The following CNTNAP5 variants were observed in gnomAD, a reference collection of about 807,000 sequenced individuals.
The protein encoded by CNTNAP5 is contactin-associated protein-like 5.
In CNTNAP5, 72 loss-of-function variants were observed where a neutral mutation model predicts 150.2. That is an observed-to-expected ratio of 0.48 (90% CI 0.40 to 0.58). CNTNAP5 has a LOEUF of 0.58. Ranked by LOEUF, CNTNAP5 falls within the 20% of genes least tolerant of loss-of-function variation. CNTNAP5 has a pLI of 0.00. For missense variants in CNTNAP5, 1,636 were observed against 1,626.2 expected (o/e 1.01, Z -0.10); for synonymous variants, 672 against 619.8 (o/e 1.08, Z -1.25).
rs181280517 is a variant in CNTNAP5, at chr2:124,717,458, G to C, written c.2078-29771G>C. 8.5e-4 allele frequency among the ~76,000 whole-genome samples: 130 copies of C among 152,312 alleles called. 1 individual carries two copies. The highest frequency in any genetic ancestry group is 3.0e-3 in the African/African-American group (126 of 41,588). On this transcript the variant is annotated intron_variant, in intron 13 of 23. Coordinates refer to ENST00000682447, the MANE Select transcript of CNTNAP5 (RefSeq NM_001367498.1). ...CATTCAATAAATATTGGTTTAAATA[G>C]ATTGAAACACAGACAATTTTAAAAG...
intron 1 of CNTNAP5, among the ~76,000 whole-genome samples, chr2:124,211,444 G>T (rs1686007553): frequency 6.6e-6 from 1 of 152,106 alleles, no homozygotes. Flanking sequence ...CACATAATTA[G>T]TAAGTTGCAG....
chr2:124,799,036 A>G (rs1474278958), intron 19 of CNTNAP5, among the ~76,000 whole-genome samples: 1 of 152,158 alleles, frequency 6.6e-6, no homozygotes, highest in East Asian at 1.9e-4. Context: ...ATGCTAAATA[A>G]AAGGATTATT....
chr2:124,762,530 G>A (rs552271049), intron 14 of CNTNAP5, among the ~76,000 whole-genome samples: 13 of 152,178 alleles, frequency 8.5e-5, no homozygotes, highest in Non-Finnish European at 1.6e-4. Flanking sequence ...AGCATTTACC[G>A]TAGATCAGGC....
intron 19 of CNTNAP5, among the ~76,000 whole-genome samples, chr2:124,859,764 A>G (rs1677470051): frequency 6.6e-6 from 1 of 152,146 alleles, no homozygotes; most frequent in Non-Finnish European, 1.5e-5. Flanking sequence ...TTGTAGGGAC[A>G]TGGATGAAGC....
chr2:124,903,344 G>T (rs539930256), intron 22 of CNTNAP5, among the ~76,000 whole-genome samples: 1 of 152,042 alleles, frequency 6.6e-6, no homozygotes, highest in African/African-American at 2.4e-5. Context: ...TATTATGCAC[G>T]TATATAATGC....
At chr2:124,089,384 T>A (rs187125881) in intron 1 of CNTNAP5, among the ~76,000 whole-genome samples, 2 of 152,252 alleles carry the variant, frequency 1.3e-5, no homozygotes, top group Non-Finnish European at 2.9e-5. Flanking sequence ...TTGGTGTTTT[T>A]CCAGTTGTAC....
chr2:124,514,200 A>T (rs1694655836), intron 8 of CNTNAP5, among the ~76,000 whole-genome samples: 1 of 152,212 alleles, frequency 6.6e-6, no homozygotes, highest in South Asian at 2.1e-4. Context: ...GTTATGGAAA[A>T]CTGAGAAATG....
Position 124,895,275 on chromosome 2 carries a change from G to A in CNTNAP5, c.3437-7607G>A, listed in dbSNP as rs182767237. Among the ~76,000 whole-genome samples, 188 of 151,546 alleles carry A rather than the reference G, an allele frequency of 1.2e-3. 6 individuals carry two copies. The highest frequency in any genetic ancestry group is 4.4e-3 in the African/African-American group (178 of 40,910). On this transcript the variant is annotated intron_variant, in intron 21 of 23. Transcript: ENST00000682447. Reference sequence around the variant, plus strand: ...GAAGTGCCAGACCTTATGCAATGTCGACCCATTTGATCATTCAAAAACATT... The same window carrying A: ...GAAGTGCCAGACCTTATGCAATGTCAACCCATTTGATCATTCAAAAACATT...
At chr2:124,893,102 G>A (rs936923776) in intron 21 of CNTNAP5, among the ~76,000 whole-genome samples, 17 of 152,232 alleles carry the variant, frequency 1.1e-4, no homozygotes, top group African/African-American at 3.4e-4. Context: ...TTCACTGGGA[G>A]CATTAACAAT....
At chr2:124,655,445 C>T (rs1678423096) in intron 13 of CNTNAP5, among the ~76,000 whole-genome samples, 1 of 151,816 alleles carries the variant, frequency 6.6e-6, no homozygotes, top group Non-Finnish European at 1.5e-5. Flanking sequence ...AATAGTGCTG[C>T]AATAAACGTA....
rs532509550 is a variant in CNTNAP5, at chr2:124,833,648, G to T, written c.3218-31658G>T. On this transcript the variant is annotated intron_variant, in intron 19 of 23. Transcript: ENST00000682447. Reference sequence around the variant, plus strand: ...TCAACCCACTGCTTACATAGAGGTGGTGAGGGTTCAGTACTTCAGTACATG... The same window carrying T: ...TCAACCCACTGCTTACATAGAGGTGTTGAGGGTTCAGTACTTCAGTACATG... 8.5e-5 allele frequency among the ~76,000 whole-genome samples: 13 copies of T among 152,292 alleles called. 1 individual carries two copies. The highest frequency in any genetic ancestry group is 4.1e-4 in the South Asian group (2 of 4,826).
At chr2:124,773,073 C>G in intron 17 of CNTNAP5, 56 bp downstream of exon 17, 1 of 1,375,014 alleles carries the variant, frequency 7.3e-7, no homozygotes, top group Non-Finnish European at 1.0e-6. Flanking sequence ...CACTGTGTGA[C>G]CATGCCCAAG....
chr2:124,834,823 G>C (rs1317114997), intron 19 of CNTNAP5, among the ~76,000 whole-genome samples: 1 of 150,972 alleles, frequency 6.6e-6, no homozygotes, highest in African/African-American at 2.4e-5. Context: ...ATCAAAGGAA[G>C]TTTAAAAACA....
intron 3 of CNTNAP5, among the ~76,000 whole-genome samples, chr2:124,334,661 C>CT (rs1689426948): frequency 6.6e-6 from 1 of 152,140 alleles, no homozygotes; most frequent in African/African-American, 2.4e-5. Flanking sequence ...AAATGATCTT[C>CT]TGGTCAAAAG....
chr2:124,813,897 C>A (rs989196702), intron 19 of CNTNAP5, among the ~76,000 whole-genome samples: 5 of 151,944 alleles, frequency 3.3e-5, no homozygotes, highest in Admixed American at 2.6e-4. Context: ...GTTCTGGCCA[C>A]CCTAATCTTG....
chr2:124,709,845 A>G (rs538234568), intron 13 of CNTNAP5, among the ~76,000 whole-genome samples: 1 of 152,304 alleles, frequency 6.6e-6, no homozygotes, highest in East Asian at 1.9e-4. Flanking sequence ...TTGAAAGGGT[A>G]TCAGTCATTC....
intron 1 of CNTNAP5, among the ~76,000 whole-genome samples, chr2:124,213,017 T>G (rs1686059163): frequency 6.6e-6 from 1 of 151,882 alleles, no homozygotes; most frequent in Non-Finnish European, 1.5e-5. Context: ...TTTTTGTATT[T>G]TTAGTAGAGA....
chr2:124,752,320 A>G (rs994291375), intron 14 of CNTNAP5, among the ~76,000 whole-genome samples: 1 of 151,986 alleles, frequency 6.6e-6, no homozygotes, highest in Non-Finnish European at 1.5e-5. Context: ...CTCCCAAAGC[A>G]TTGGGACTAT....
intron 13 of CNTNAP5, among the ~76,000 whole-genome samples, chr2:124,707,006 A>AAGG (rs878975665): frequency 1.0e-5 from 1 of 95,928 alleles, no homozygotes; most frequent in Admixed American, 1.1e-4. Flanking sequence ...GAGGAAGAAG[A>AAGG]AGGAGGAGGA....
Sources: allele counts gnomAD v4.1 joint callset (sites outside exome capture counted in the v4.1 genomes callset), GRCh38; gene constraint gnomAD v4.1.1; transcripts MANE v1.5; gene names NCBI Gene and HGNC (gene_info 2026-07-23, HGNC 2026-07-21).